Variants in MYO18A observed in about 807,000 individuals in gnomAD.
The protein encoded by MYO18A is unconventional myosin-XVIIIa.
Under a neutral mutation model 235.8 loss-of-function variants are expected in MYO18A, and 78 were observed. The ratio of observed to expected loss-of-function variants is 0.33; its 90% CI spans 0.28 to 0.40. MYO18A has a LOEUF of 0.40. Among genes scored for constraint, MYO18A ranks in the 10% least tolerant of loss-of-function variants. MYO18A has a pLI of 1.00. For synonymous variants in MYO18A, 977 were observed against 1,077.8 expected, an observed-to-expected ratio of 0.91 and a Z score of 1.83; for missense variants, 2,215 against 2,699.3, an observed-to-expected ratio of 0.82 and a Z score of 3.98.
In MYO18A at chr17:29,072,286, G is replaced by C. The variant is rs756143129; in HGVS notation, c.*2484C>G. The stretch of plus-strand genomic sequence containing the variant: ...CATGCCTATAATCCTAGCACTTTGG[G>C]AGGCGAGGCAGGCAGATCACTTGAG... On this transcript the variant is annotated 3_prime_UTR_variant, in exon 42 of 42. Coordinates refer to ENST00000527372, the MANE Select transcript of MYO18A (RefSeq NM_078471.4). 6.6e-6 allele frequency: 1 copy of C among 150,428 alleles called. No individual in the cohort carries two copies. The highest frequency in any genetic ancestry group is 6.7e-5 in the Admixed American group (1 of 15,028). 9.3% of individuals were successfully genotyped at this position (150,428 alleles called of 1,614,324 possible).
chr17:29,119,553 A>ATT (rs11349517), intron 7 of MYO18A, 118 bp from the exon 8 acceptor site: 1,847 of 431,694 alleles, frequency 4.3e-3, no homozygotes, highest in Middle Eastern at 8.1e-3. Context: ...AAGCAGCTGC[A>ATT]TTTTTTTTTT....
At chr17:29,159,584 A>G (rs576414578) in intron 2 of MYO18A, among the ~76,000 whole-genome samples, 117 of 152,236 alleles carry the variant, frequency 7.7e-4, no homozygotes, top group Non-Finnish European at 1.5e-3. Flanking sequence ...ATTGTAGAAC[A>G]CTGAGCCAGG....
intron 2 of MYO18A, among the ~76,000 whole-genome samples, chr17:29,152,803 C>T (rs1340033867): frequency 6.6e-6 from 1 of 151,634 alleles, no homozygotes; most frequent in Non-Finnish European, 1.5e-5. Context: ...CTCACTGCAG[C>T]CTCAAACTCC....
rs760127466 is a variant in MYO18A, at chr17:29,166,267, C to T, written c.674G>A (p.Arg225Gln). 23 of 1,612,826 alleles carry T rather than the reference C, an allele frequency of 1.4e-5. No homozygotes were observed. Among genetic ancestry groups the T allele is most frequent in the African/African-American group, 4.0e-5 (3 of 74,938 alleles). Residue 225 changes from arginine (R) to glutamine (Q), a missense_variant, in exon 2 of 42, where the codon CGA (arginine) becomes CAA (glutamine). By Grantham distance (43) the Arg-to-Gln change is conservative. Transcript: ENST00000527372. ...GAAGCCAAAGTCTCCAGTGGGCCGT[C>T]GTTGCAGCTCCAGCTCCCGGAGGGT... ...PPTLRELELQRRPTGDFGFSL... is the reference protein window; with the variant it reads ...PPTLRELELQQRPTGDFGFSL...
chr17:29,128,279 C>T (rs117024203), intron 2 of MYO18A: 23,337 of 1,184,346 alleles, frequency 0.02, 272 homozygotes, highest in Non-Finnish European at 0.022. Flanking sequence ...GGACTTGACT[C>T]CTCTGCCTGG....
chr17:29,138,926 C>T (rs962031902), intron 2 of MYO18A, among the ~76,000 whole-genome samples: 3 of 152,298 alleles, frequency 2.0e-5, no homozygotes, highest in Middle Eastern at 3.4e-3. Flanking sequence ...AATGATGACC[C>T]GCCCCTCCAC....
At chr17:29,082,697 C>G (rs2066151504) in intron 40 of MYO18A, among the ~76,000 whole-genome samples, 1 of 152,042 alleles carries the variant, frequency 6.6e-6, no homozygotes. Flanking sequence ...AGCCAGTTAT[C>G]TGTGACAGGC....
rs181603136 is a variant in MYO18A, at chr17:29,106,388, G to A, written c.3441+692C>T. Among the ~76,000 whole-genome samples, 1 of 152,296 alleles carries A rather than the reference G, an allele frequency of 6.6e-6. No homozygotes were observed. The highest frequency in any genetic ancestry group is 6.5e-5 in the Admixed American group (1 of 15,306). ...GGGCAGGGGGGCACACACAGAGGCA[G>A]GCTGGGCACTCTGTGGGCTTTCTGC... is the stretch of plus-strand genomic sequence containing the variant. On this transcript the variant is annotated intron_variant, in intron 20 of 41. Transcript: ENST00000527372. This position sits in a 1 kb window ranked among gnomAD's most constrained non-coding sequence, Gnocchi z 4.6.
At chr17:29,086,866 A>G in intron 38 of MYO18A, 70 bp downstream of exon 38, 5 of 1,488,648 alleles carry the variant, frequency 3.4e-6, no homozygotes, top group South Asian at 1.3e-5. Flanking sequence ...ACCAGGCCAG[A>G]GTGAGGCATA....
rs2067317005 is a variant in MYO18A, at chr17:29,126,206, C to T, written c.1000-3953G>A. On this transcript the variant is annotated intron_variant, in intron 2 of 41. Coordinates refer to ENST00000527372, the MANE Select transcript of MYO18A (RefSeq NM_078471.4). The surrounding 1 kb of genome is among the most constrained non-coding windows in gnomAD (Gnocchi z 4.1). ...TGAGCACCAAATGGCCCTATTATCC[C>T]ACTTGCCCTCTGGACCCTTCCCCAG... is the stretch of plus-strand genomic sequence containing the variant. 6.6e-6 allele frequency among the ~76,000 whole-genome samples: 1 copy of T among 152,178 alleles called. No individual in the cohort carries two copies. Among genetic ancestry groups the T allele is most frequent in the South Asian group, 2.1e-4 (1 of 4,832 alleles).
intron 40 of MYO18A, among the ~76,000 whole-genome samples, chr17:29,084,149 C>T (rs141754672): frequency 6.6e-6 from 1 of 152,292 alleles, no homozygotes; most frequent in Admixed American, 6.5e-5. Context: ...TAGAGCTGCA[C>T]GTCCCCATGC....
chr17:29,125,924 T>C lies in MYO18A; in HGVS notation c.1000-3671A>G. The C allele has an allele frequency of 1.0e-6, 1 of 985,374 alleles. No individual in the cohort carries two copies. The highest frequency in any genetic ancestry group is 4.7e-5 in the South Asian group (1 of 21,282). 61.0% of individuals were successfully genotyped at this position (985,374 alleles called of 1,614,324 possible). A position where few individuals can be genotyped will look rare whatever the true frequency, so the allele number is the denominator to read the frequency against. On this transcript the variant is annotated intron_variant, in intron 2 of 41. Coordinates refer to ENST00000527372, the MANE Select transcript of MYO18A (RefSeq NM_078471.4). The surrounding 1 kb of genome is among the most constrained non-coding windows in gnomAD (Gnocchi z 5.1). ...TGTGAAGATCCTCTCCAGCCGCTGG[T>C]GGGCCTCTTCCACGGGGGTCAGCTG...
intron 2 of MYO18A, chr17:29,127,750 G>A: frequency 1.7e-6 from 1 of 595,298 alleles, no homozygotes; most frequent in Non-Finnish European, 2.1e-6. Flanking sequence ...TCTCGGTCAT[G>A]CGGGGTTCGC....
intron 2 of MYO18A, among the ~76,000 whole-genome samples, chr17:29,143,905 T>C (rs911299122): frequency 3.9e-5 from 6 of 152,190 alleles, no homozygotes; most frequent in African/African-American, 1.4e-4. Context: ...CCAGCCTCTC[T>C]CCAAGGGCAC....
chr17:29,119,202 T>G, intron 8 of MYO18A, 133 bp downstream of exon 8: 1 of 635,604 alleles, frequency 1.6e-6, no homozygotes, highest in Non-Finnish European at 2.7e-6. Flanking sequence ...GCCTAGCACA[T>G]AGCAGACATG....
intron 2 of MYO18A, among the ~76,000 whole-genome samples, chr17:29,156,297 G>A (rs999144000): frequency 2.9e-4 from 44 of 152,214 alleles, no homozygotes; most frequent in Admixed American, 5.2e-4. Flanking sequence ...CAGACACTGC[G>A]TAGCCCCCAT....
intron 1 of MYO18A, among the ~76,000 whole-genome samples, chr17:29,176,398 C>A (rs1227688543): frequency 2.0e-5 from 3 of 151,770 alleles, no homozygotes; most frequent in Non-Finnish European, 4.4e-5. Context: ...AAAAAAAAAA[C>A]CCAGGAAATG....
intron 24 of MYO18A, 62 bp downstream of exon 24, chr17:29,098,294 C>G: frequency 6.2e-7 from 1 of 1,611,610 alleles, no homozygotes; most frequent in Non-Finnish European, 8.5e-7. Context: ...ACCTGGGGGA[C>G]CTGCAGGGGC....
chr17:29,097,936 C>A, intron 25 of MYO18A, 37 bp from the exon 26 acceptor site: 1 of 1,586,340 alleles, frequency 6.3e-7, no homozygotes. Flanking sequence ...GCCATTCCAT[C>A]CCCTCATACC....
Sources: allele counts gnomAD v4.1 joint callset (sites outside exome capture counted in the v4.1 genomes callset), GRCh38; gene constraint gnomAD v4.1.1; non-coding constraint Gnocchi (gnomAD v3.1); transcripts MANE v1.5; gene names NCBI Gene and HGNC (gene_info 2026-07-23, HGNC 2026-07-21).